The following AKR1A1 variants were observed in gnomAD, a reference collection of about 807,000 sequenced individuals.
The protein encoded by AKR1A1 is aldo-keto reductase family 1 member A1.
In AKR1A1, 26 loss-of-function variants were observed where a neutral mutation model predicts 39.2. The ratio of observed to expected loss-of-function variants is 0.66; its 90% CI spans 0.49 to 0.92. The LOEUF is 0.92. Ranked by LOEUF, AKR1A1 falls within the 40% of genes least tolerant of loss-of-function variation. The pLI is 0.00. For synonymous variants in AKR1A1, 141 were observed against 155.5 expected (o/e 0.91, Z 0.69); for missense variants, 378 against 406.5 (o/e 0.93, Z 0.60).
In AKR1A1 at chr1:45,568,522, T is replaced by C. The variant is rs765358877; in HGVS notation, c.590T>C (p.Ile197Thr). The C allele has an allele frequency of 5.0e-6, 8 of 1,613,898 alleles. No homozygotes were observed. In the East Asian group the frequency reaches 1.3e-4, roughly 27 times the overall value. Residue 197 changes from isoleucine to threonine, a missense_variant, in exon 6 of 9, where the codon ATT becomes ACT. Ile to Thr is a moderately conservative substitution (Grantham distance 89). Transcript: ENST00000351829. ...CHPYLAQNELIAHCQARGLEV... is the reference protein window; with the variant it reads ...CHPYLAQNELTAHCQARGLEV... ...CCATACTTGGCTCAAAATGAGCTAA[T>C]TGCCCACTGCCAAGCACGTGGCCTG...
At chr1:45,555,378 T>C (rs1372315564) in intron 1 of AKR1A1, among the ~76,000 whole-genome samples, 1 of 151,952 alleles carries the variant, frequency 6.6e-6, no homozygotes, top group Non-Finnish European at 1.5e-5. Context: ...TCCCAGCTAC[T>C]CGGGAGTCTG....
At chr1:45,563,749 A>G (rs1243817110) in intron 2 of AKR1A1, among the ~76,000 whole-genome samples, 1 of 152,266 alleles carries the variant, frequency 6.6e-6, no homozygotes, top group Non-Finnish European at 1.5e-5. Flanking sequence ...AGATCGTGCC[A>G]TTGCACTCCA....
At chr1:45,569,031 TC>T (rs1644382242) in intron 7 of AKR1A1, 32 bp downstream of exon 7, 2 of 1,611,612 alleles carry the variant, frequency 1.2e-6, no homozygotes, top group Non-Finnish European at 1.7e-6. Flanking sequence ...CTTCTTTAGC[TC>T]TTTGGGACAT....
rs779498256 is a variant in AKR1A1, at chr1:45,569,163, C to T, written c.846C>T (p.Ser282=). The T allele has an allele frequency of 2.5e-6, 4 of 1,614,112 alleles. No individual in the cohort carries two copies. The highest frequency in any genetic ancestry group is 2.5e-6 in the Non-Finnish European group (3 of 1,179,974). Residue 282 remains serine (S), a synonymous_variant, in exon 8 of 9, where the codon AGC becomes AGT. Coordinates refer to ENST00000351829, the MANE Select transcript of AKR1A1 (RefSeq NM_153326.3). The part of the protein sequence containing the change: ...QNIKVFDFTF[S]PEEMKQLNAL... The stretch of plus-strand genomic sequence containing the variant: ...CTCAGGTGTTTGACTTCACCTTTAG[C>T]CCAGAAGAGATGAAGCAGCTAAATG...
At chr1:45,561,941 C>T in intron 2 of AKR1A1, 63 bp downstream of exon 2, 6 of 1,515,804 alleles carry the variant, frequency 4.0e-6, no homozygotes, top group Middle Eastern at 1.9e-4. Context: ...CCTAGCAGCC[C>T]CACCCCCATA....
Position 45,566,928 on chromosome 1 carries a change from C to G in AKR1A1, c.264C>G (p.Pro88=). The G allele has an allele frequency of 1.2e-6, 2 of 1,614,128 alleles. No homozygotes were observed. The highest frequency in any genetic ancestry group is 1.7e-6 in the Non-Finnish European group (2 of 1,180,006). Residue 88 remains proline (P), a synonymous_variant, in exon 4 of 9, where the codon CCC becomes CCG. Coordinates refer to ENST00000351829, the MANE Select transcript of AKR1A1 (RefSeq NM_153326.3). Reference sequence around the variant, plus strand: ...AGCTGTGGAACACCAAGCACCACCCCGAGGATGTGGAGCCTGCCCTCCGGA... The same window carrying G: ...AGCTGTGGAACACCAAGCACCACCCGGAGGATGTGGAGCCTGCCCTCCGGA... The part of the protein sequence containing the change: ...TSKLWNTKHH[P]EDVEPALRKT...
At chr1:45,557,684 A>T (rs3790585) in intron 1 of AKR1A1, among the ~76,000 whole-genome samples, 26,664 of 152,154 alleles carry the variant, frequency 0.18, 2,528 homozygotes, top group East Asian at 0.35. Context: ...GCAGGCCACC[A>T]GGTTCCTCTT....
chr1:45,558,707 T>C (rs922032819), intron 1 of AKR1A1, among the ~76,000 whole-genome samples: 2 of 152,096 alleles, frequency 1.3e-5, no homozygotes, highest in African/African-American at 4.8e-5. Flanking sequence ...CTAATTTTTG[T>C]ATTTTCAGTA....
intron 1 of AKR1A1, chr1:45,552,480 T>G (rs1008365169): frequency 1.3e-5 from 2 of 152,150 alleles, no homozygotes; most frequent in Non-Finnish European, 2.9e-5. Flanking sequence ...GTGCTGAGAT[T>G]ACATGTATGA....
intron 1 of AKR1A1, among the ~76,000 whole-genome samples, chr1:45,558,013 G>A (rs1003538044): frequency 2.8e-5 from 4 of 145,404 alleles, no homozygotes; most frequent in Non-Finnish European, 3.0e-5. Context: ...GGGTTCAAGC[G>A]ATTCTCCTGC....
intron 1 of AKR1A1, among the ~76,000 whole-genome samples, chr1:45,556,695 A>C (rs1215278337): frequency 1.3e-5 from 2 of 149,810 alleles, no homozygotes; most frequent in African/African-American, 4.9e-5. Flanking sequence ...TGGCCAATAC[A>C]GTGAAACCCC....
In AKR1A1 at chr1:45,559,699, A is replaced by G. The variant is rs1644253143; in HGVS notation, c.-6-2090A>G. 3.4e-5 allele frequency among the ~76,000 whole-genome samples: 4 copies of G among 117,518 alleles called. No homozygotes were observed. The Admixed American group carries it at 4.9e-4, about 14-fold the overall frequency. The allele number at this position is 117,518 out of a possible 152,430, so 77.1% of individuals were successfully genotyped here. ...CCCTCTGTCACCCAGGCTGGAGTGC[A>G]GTGGCATGATCTCAGCTCACTGCAA... is the stretch of plus-strand genomic sequence containing the variant. On this transcript the variant is annotated intron_variant, in intron 1 of 8. Coordinates refer to ENST00000351829, the MANE Select transcript of AKR1A1 (RefSeq NM_153326.3).
In AKR1A1 at chr1:45,557,912, C is replaced by CTTTTTTT. The variant is rs67386168; in HGVS notation, c.-6-3868_-6-3862dup. On this transcript the variant is annotated intron_variant, in intron 1 of 8. Transcript: ENST00000351829. ...TGTACTGGCTTTACTCACAACTTGTCTTTTTTTTTTTTTTTGAGATGGAGC... is the reference window on the plus strand; with the variant it reads ...TGTACTGGCTTTACTCACAACTTGTCTTTTTTTTTTTTTTTTTTTTTTGAGATGGAGC... 1.5e-3 allele frequency among the ~76,000 whole-genome samples: 171 copies of CTTTTTTT among 112,214 alleles called. 20 individuals carry two copies. Among genetic ancestry groups the CTTTTTTT allele is most frequent in the African/African-American group, 5.4e-3 (153 of 28,252 alleles). The allele number at this position is 112,214 out of a possible 152,430, so 73.6% of individuals were successfully genotyped here.
chr1:45,563,476 A>C (rs1178163484), intron 2 of AKR1A1, among the ~76,000 whole-genome samples: 1 of 151,620 alleles, frequency 6.6e-6, no homozygotes, highest in Non-Finnish European at 1.5e-5. Flanking sequence ...GTGATTATAC[A>C]CTCATGTGAC....
At chr1:45,560,027 G>A (rs183182487) in intron 1 of AKR1A1, among the ~76,000 whole-genome samples, 10 of 137,182 alleles carry the variant, frequency 7.3e-5, no homozygotes, top group Admixed American at 5.9e-4. Context: ...TGGCTGTGTC[G>A]CCCAGGCTGG....
intron 1 of AKR1A1, among the ~76,000 whole-genome samples, chr1:45,559,898 C>T (rs1254659950): frequency 6.6e-6 from 1 of 152,000 alleles, no homozygotes. Flanking sequence ...CCGCCCACCT[C>T]AACCTCCCAA....
Position 45,568,693 on chromosome 1 carries a change from C to A in AKR1A1, c.752+9C>A. Reference sequence around the variant, plus strand: ...GCTCAGATCTTGCTCAGGTATGGGGCAGTCTTAGGGAGAGGGCCCTGGGTT... The same window carrying A: ...GCTCAGATCTTGCTCAGGTATGGGGAAGTCTTAGGGAGAGGGCCCTGGGTT... On this transcript the variant is annotated intron_variant, in intron 6 of 8. Coordinates refer to ENST00000351829, the MANE Select transcript of AKR1A1 (RefSeq NM_153326.3). 1 of 1,612,984 alleles carries A rather than the reference C, an allele frequency of 6.2e-7. No individual in the cohort carries two copies. Among genetic ancestry groups the A allele is most frequent in the Non-Finnish European group, 8.5e-7 (1 of 1,179,814 alleles).
At position 45,569,013 on chromosome 1, in the gene AKR1A1, G is replaced by C. The variant is rs759734607; in HGVS notation, c.825+14G>C. The C allele has an allele frequency of 1.9e-5, 30 of 1,613,398 alleles. No individual in the cohort carries two copies. Among genetic ancestry groups the C allele is most frequent in the Middle Eastern group, 3.3e-4 (2 of 6,082 alleles). On this transcript the variant is annotated intron_variant, in intron 7 of 8. Transcript: ENST00000351829. ...CAGAACATCAAGGTACTTGGTAATG[G>C]GTTCTATCTTCTTTAGCTCTTTGGG...
intron 5 of AKR1A1, 100 bp downstream of exon 5, chr1:45,568,277 C>T (rs922858584): frequency 1.4e-6 from 2 of 1,406,718 alleles, no homozygotes; most frequent in Non-Finnish European, 9.6e-7. Context: ...AGCAAGTTGT[C>T]AGAGTGTTGG....
Sources: gnomAD v4.1 joint callset for allele counts (sites outside exome capture counted in the v4.1 genomes callset) on GRCh38, gnomAD v4.1.1 for gene constraint, MANE v1.5 for transcripts, NCBI Gene and HGNC (gene_info 2026-07-23, HGNC 2026-07-21) for gene names.